GSDMD: variants seen among roughly 807,000 people sequenced by gnomAD.
GSDMD encodes the protein gasdermin-D.
In GSDMD, 46 loss-of-function variants were observed where a neutral mutation model predicts 46.7. The ratio of observed to expected loss-of-function variants is 0.99; its 90% confidence interval spans 0.78 to 1.26. The LOEUF (loss-of-function observed/expected upper bound fraction) is 1.26. Ranked by LOEUF, GSDMD falls within the 50% of genes most tolerant of loss-of-function variation. The probability of loss-of-function intolerance (pLI) is 0.00; values close to 1 mark genes in which losing one functional copy is unlikely to be tolerated. For synonymous variants in GSDMD, 307 were observed against 283.1 expected, an observed-to-expected ratio of 1.08 and a Z score of -0.85; for missense variants, 649 against 638.8, an observed-to-expected ratio of 1.02 and a Z score of -0.17.
In GSDMD at chr8:143,559,953, ACT is replaced by A. The variant is rs770293752; in HGVS notation, c.397_398del (p.Leu133AlafsTer3). Reference sequence around the variant, plus strand: ...GAGTGTGGACCCTAACACCTGGCAGACTCTGCTCCATGAGAGGTGGGCCCGAA... The same window carrying A: ...GAGTGTGGACCCTAACACCTGGCAGACTGCTCCATGAGAGGTGGGCCCGAA... ...SLSVDPNTWQ[T>X]LLHERHLRQP... On this transcript the variant is annotated frameshift_variant, in exon 3 of 11. Transcript: ENST00000262580. LOFTEE classifies it high-confidence loss of function. 3 of 1,611,618 alleles carry A rather than the reference ACT, an allele frequency of 1.9e-6. No individual in the cohort carries two copies. The highest frequency in any genetic ancestry group is 1.1e-5 in the South Asian group (1 of 91,002).
upstream of GSDMD, chr8:143,557,998 G>A (rs1210314229): frequency 7.5e-6 from 3 of 398,732 alleles, no homozygotes; most frequent in African/African-American, 2.1e-5. Context: ...AGGTTCAAGC[G>A]ATTCTCTTGC....
chr8:143,553,719 G>C (rs1823251240), upstream of GSDMD: 1 of 146,974 alleles, frequency 6.8e-6, no homozygotes, highest in African/African-American at 2.4e-5. Flanking sequence ...ACTGAGTGTG[G>C]ACAGAGCACC....
chr8:143,556,620 T>C (rs1256092146), upstream of GSDMD, among the ~76,000 whole-genome samples: 4 of 152,120 alleles, frequency 2.6e-5, no homozygotes, highest in African/African-American at 4.8e-5. Flanking sequence ...AGGGCACCAC[T>C]GTGTCCCCAC....
chr8:143,560,916 G>A (rs1223558308), intron 4 of GSDMD, 86 bp from the exon 5 acceptor site: 13 of 1,458,814 alleles, frequency 8.9e-6, no homozygotes, highest in Middle Eastern at 1.8e-4. Context: ...TCACCTGGCG[G>A]CGGGCCTGCC....
At position 143,561,982 on chromosome 8, in the gene GSDMD, T is replaced by C; in HGVS notation, c.847T>C (p.Phe283Leu). 6.2e-7 allele frequency: 1 copy of C among 1,608,132 alleles called. No individual in the cohort carries two copies. Among genetic ancestry groups the C allele is most frequent in the South Asian group, 1.1e-5 (1 of 90,684 alleles). ...AGATGGGGTCCCTGCGGAGGGGGCG[T>C]TCACTGAAGACTTCCAGGGCCTACG... ...LTDGVPAEGA[F>L]TEDFQGLRAE... Residue 283 changes from phenylalanine to leucine, a missense_variant, in exon 8 of 11, where the codon TTC becomes CTC. By Grantham distance (22) the Phe-to-Leu change is conservative (BLOSUM62 0). Transcript: ENST00000262580.
upstream of GSDMD, among the ~76,000 whole-genome samples, chr8:143,557,335 GGTGAAGGATGCTGCCGCTTT>G (rs1823321558): frequency 2.4e-5 from 1 of 41,066 alleles, no homozygotes; most frequent in African/African-American, 8.5e-5. Flanking sequence ...CTGCCGCTAT[GGTGAAGGATGCTGCCGCTTT>G]GGCGAAGGAT....
Position 143,559,356 on chromosome 8 carries a change from G to A in GSDMD, c.21G>A (p.Arg7=). Residue 7 remains arginine, a synonymous_variant, in exon 2 of 11, where the codon CGG becomes CGA. Coordinates refer to ENST00000262580, the MANE Select transcript of GSDMD (RefSeq NM_024736.7). The stretch of plus-strand genomic sequence containing the variant: ...GGAGCATGGGGTCGGCCTTTGAGCG[G>A]GTAGTCCGGAGAGTGGTCCAGGAGC... MGSAFE[R]VVRRVVQELD... is the part of the protein sequence containing the mutation. The A allele has an allele frequency of 6.2e-7, 1 of 1,612,634 alleles. No individual in the cohort carries two copies. Among genetic ancestry groups the A allele is most frequent in the South Asian group, 1.1e-5 (1 of 91,056 alleles).
upstream of GSDMD, among the ~76,000 whole-genome samples, chr8:143,556,478 G>A (rs1414810000): frequency 2.0e-5 from 3 of 152,230 alleles, no homozygotes; most frequent in Non-Finnish European, 2.9e-5. Flanking sequence ...CCAGGAGGTC[G>A]AGGCTGCAGT....
At chr8:143,558,032 T>G, upstream of GSDMD, 1 of 379,618 alleles carries the variant, frequency 2.6e-6, no homozygotes, top group Non-Finnish European at 5.1e-6. Flanking sequence ...GTAGCTGGGA[T>G]CACAGGCATG....
At position 143,559,981 on chromosome 8, in the gene GSDMD, G is replaced by GAGGGGAGGGCAGGGC; in HGVS notation, c.410+16_410+17insGAGGGCAGGGCAGGG. On this transcript the variant is annotated intron_variant, in intron 3 of 10. Coordinates refer to ENST00000262580, the MANE Select transcript of GSDMD (RefSeq NM_024736.7). ...CTGCTCCATGAGAGGTGGGCCCGAAGAGGGCAGGGCAGGGCAGGGCCCCAC... is the reference window on the plus strand; with the variant it reads ...CTGCTCCATGAGAGGTGGGCCCGAAGAGGGGAGGGCAGGGCAGGGCAGGGCAGGGCAGGGCCCCAC... The GAGGGGAGGGCAGGGC allele has an allele frequency of 6.3e-7, 1 of 1,588,500 alleles. No individual in the cohort carries two copies. Among genetic ancestry groups the GAGGGGAGGGCAGGGC allele is most frequent in the African/African-American group, 1.3e-5 (1 of 74,224 alleles).
chr8:143,554,605 C>T (rs1281775250), upstream of GSDMD, among the ~76,000 whole-genome samples: 4 of 149,768 alleles, frequency 2.7e-5, no homozygotes, highest in Non-Finnish European at 5.9e-5. Context: ...GCGCACAACG[C>T]GCACACAACA....
chr8:143,554,772 CACA>C (rs1438207076), upstream of GSDMD, among the ~76,000 whole-genome samples: 2 of 152,300 alleles, frequency 1.3e-5, no homozygotes, highest in Non-Finnish European at 2.9e-5. Flanking sequence ...ACAACAGCCA[CACA>C]ACATGCACGT....
intron 1 of GSDMD, chr8:143,559,117 G>A: frequency 1.7e-6 from 1 of 600,568 alleles, no homozygotes; most frequent in Non-Finnish European, 3.0e-6. Flanking sequence ...GGTGCTCATG[G>A]TACCGTAGAC....
At chr8:143,558,156 G>A, upstream of GSDMD, 1 of 654,440 alleles carries the variant, frequency 1.5e-6, no homozygotes, top group Non-Finnish European at 2.5e-6. Context: ...CAGGCTCAGA[G>A]TTTTAAGAAA....
intron 1 of GSDMD, chr8:143,558,911 T>C: frequency 4.7e-6 from 2 of 425,574 alleles, no homozygotes. Context: ...AGGACGCAGC[T>C]GGGGTGGGGC....
At chr8:143,555,666 C>G (rs1052515604), upstream of GSDMD, among the ~76,000 whole-genome samples, 2 of 152,222 alleles carry the variant, frequency 1.3e-5, no homozygotes, top group African/African-American at 2.4e-5. Flanking sequence ...AGGGCGCTGG[C>G]TTCCAGGGGC....
At chr8:143,557,996 G>T, upstream of GSDMD, 1 of 400,612 alleles carries the variant, frequency 2.5e-6, no homozygotes, top group South Asian at 1.8e-5. Flanking sequence ...CCAGGTTCAA[G>T]CGATTCTCTT....
At chr8:143,559,294 C>T in intron 1 of GSDMD, 38 bp from the exon 2 acceptor site, 1 of 929,460 alleles carries the variant, frequency 1.1e-6, no homozygotes, top group South Asian at 1.4e-5. Context: ...TCCCGCCCGC[C>T]CCGAGAGCAC....
intron 5 of GSDMD, 114 bp from the exon 6 acceptor site, chr8:143,561,256 G>A: frequency 2.5e-6 from 3 of 1,219,836 alleles, no homozygotes; most frequent in South Asian, 2.7e-5. Flanking sequence ...GCTCTGGTGT[G>A]TGGGTGATTG....
Sources: allele counts gnomAD v4.1 joint callset (sites outside exome capture counted in the v4.1 genomes callset), GRCh38; gene constraint gnomAD v4.1.1; transcripts MANE v1.5; gene names NCBI Gene and HGNC (gene_info 2026-07-23, HGNC 2026-07-21).